The following PALLD variants were observed in gnomAD, a reference collection of about 807,000 sequenced individuals.
PALLD encodes the protein palladin.
In PALLD, 61 loss-of-function variants were observed where a neutral mutation model predicts 123.5. The ratio of observed to expected loss-of-function variants is 0.49; its 90% CI spans 0.40 to 0.61. PALLD has a LOEUF of 0.61. Ranked by LOEUF, PALLD falls within the 20% of genes least tolerant of loss-of-function variation. PALLD has a pLI of 0.00. For missense variants in PALLD, 1,273 were observed against 1,377.0 expected (o/e 0.92, Z 1.20); for synonymous variants, 465 against 496.4 (o/e 0.94, Z 0.84).
intron 2 of PALLD, among the ~76,000 whole-genome samples, chr4:168,640,359 A>G (rs1194818801): frequency 6.6e-6 from 1 of 152,062 alleles, no homozygotes; most frequent in Non-Finnish European, 1.5e-5. Context: ...AACCCCAGCT[A>G]CTGTCCCAAG....
At chr4:168,837,878 T>C (rs764141404) in intron 10 of PALLD, among the ~76,000 whole-genome samples, 1 of 152,006 alleles carries the variant, frequency 6.6e-6, no homozygotes, top group Non-Finnish European at 1.5e-5. Context: ...TATATGCCAG[T>C]GGAAAGAGAT....
intron 3 of PALLD, among the ~76,000 whole-genome samples, chr4:168,678,216 A>G (rs1257796312): frequency 6.6e-6 from 1 of 152,064 alleles, no homozygotes; most frequent in Non-Finnish European, 1.5e-5. Flanking sequence ...TGTGACCTTC[A>G]ATTACTTCAC....
chr4:168,697,139 G>A (rs1291288498), intron 8 of PALLD, among the ~76,000 whole-genome samples: 5 of 152,144 alleles, frequency 3.3e-5, no homozygotes, highest in Admixed American at 1.3e-4. Context: ...TAGACACAAC[G>A]AGACAATGAA....
At chr4:168,804,875 G>C (rs1739921331) in intron 10 of PALLD, among the ~76,000 whole-genome samples, 1 of 152,010 alleles carries the variant, frequency 6.6e-6, no homozygotes, top group Non-Finnish European at 1.5e-5. Context: ...AGTTCCCAAA[G>C]CGAGGCCGGG....
intron 10 of PALLD, among the ~76,000 whole-genome samples, chr4:168,755,215 A>G (rs1277740890): frequency 6.9e-6 from 1 of 144,938 alleles, no homozygotes; most frequent in East Asian, 2.1e-4. Flanking sequence ...CCTGGGCGAG[A>G]GAGCAAGACT....
intron 10 of PALLD, among the ~76,000 whole-genome samples, chr4:168,890,584 A>G (rs1474069582): frequency 6.6e-6 from 1 of 152,106 alleles, no homozygotes; most frequent in African/African-American, 2.4e-5. Context: ...ATAGAGTCAG[A>G]TTTTAAACCT....
At chr4:168,614,286 T>C (rs1774010373) in intron 2 of PALLD, among the ~76,000 whole-genome samples, 1 of 152,198 alleles carries the variant, frequency 6.6e-6, no homozygotes, top group African/African-American at 2.4e-5. Flanking sequence ...TTTAAAATAA[T>C]AATAGTAATA....
Position 168,690,661 on chromosome 4 carries a change from G to C in PALLD, c.1394G>C (p.Arg465Pro). 6.2e-7 allele frequency: 1 copy of C among 1,614,106 alleles called. No individual in the cohort carries two copies. The highest frequency in any genetic ancestry group is 8.5e-7 in the Non-Finnish European group (1 of 1,179,954). The change falls in exon 7 of 22, where the codon CGT becomes CCT. Residue 465 changes from arginine (R) to proline (P), a missense_variant. Coordinates refer to ENST00000505667, the MANE Select transcript of PALLD (RefSeq NM_001166108.2). The stretch of plus-strand genomic sequence containing the variant: ...GTGGTGGTTCTGGAGTGCCGGGTCC[G>C]TGGGGCACCCCCTCTGCAGGTCCAG... Reference protein sequence around the residue: ...GQVVVLECRVRGAPPLQVQWF... With the variant: ...GQVVVLECRVPGAPPLQVQWF...
intron 10 of PALLD, among the ~76,000 whole-genome samples, chr4:168,882,083 G>C (rs973587976): frequency 6.6e-6 from 1 of 152,252 alleles, no homozygotes; most frequent in South Asian, 2.1e-4. Context: ...TATAAGCAGG[G>C]CTTTGGTTTG....
intron 15 of PALLD, among the ~76,000 whole-genome samples, chr4:168,904,536 A>G (rs764522332): frequency 1.3e-5 from 2 of 152,152 alleles, no homozygotes; most frequent in Non-Finnish European, 2.9e-5. Context: ...CTTTTTTATT[A>G]TGTTATACAT....
chr4:168,626,115 A>C (rs1258409772), intron 2 of PALLD, among the ~76,000 whole-genome samples: 1 of 148,688 alleles, frequency 6.7e-6, no homozygotes, highest in Non-Finnish European at 1.5e-5. Context: ...TACAAAAAAA[A>C]ATTAGCCGGG....
At chr4:168,621,577 A>C (rs1774766895) in intron 2 of PALLD, among the ~76,000 whole-genome samples, 1 of 152,224 alleles carries the variant, frequency 6.6e-6, no homozygotes, top group Admixed American at 6.5e-5. Context: ...GTTTATGGAA[A>C]TATGCCTTTC....
intron 3 of PALLD, among the ~76,000 whole-genome samples, chr4:168,675,292 A>T (rs959933642): frequency 1.4e-4 from 21 of 152,298 alleles, no homozygotes; most frequent in African/African-American, 4.3e-4. Flanking sequence ...TAGGGAAGAG[A>T]ACCAGCGTGA....
intron 10 of PALLD, among the ~76,000 whole-genome samples, chr4:168,814,972 T>G: frequency 6.6e-6 from 1 of 152,160 alleles, no homozygotes; most frequent in East Asian, 1.9e-4. Context: ...GGTTTCACCA[T>G]GTTGGCCAGG....
chr4:168,674,921 T>C (rs1187472916), intron 3 of PALLD, among the ~76,000 whole-genome samples: 1 of 151,760 alleles, frequency 6.6e-6, no homozygotes, highest in Non-Finnish European at 1.5e-5. Flanking sequence ...GAGAGAAAAA[T>C]AGATCATGCA....
At position 168,685,528 on chromosome 4, in the gene PALLD, C is replaced by T; in HGVS notation, c.1304C>T (p.Thr435Ile). Reference protein sequence around the residue: ...TSYLCRPDGTTTAYFPPVFTK... With the variant: ...TSYLCRPDGTITAYFPPVFTK... ...TATCTCTGCCGACCTGATGGAACCA[C>T]TACTGCCTACTTTCCTCCTGTTTTT... The change falls in exon 6 of 22, where the codon ACT (threonine) becomes ATT (isoleucine). Residue 435 changes from threonine (T) to isoleucine (I), a missense_variant. Around this residue, in one of 2 missense-constraint regions of PALLD, gnomAD observed 944 missense variants for 954.5 expected, o/e 0.99. Transcript: ENST00000505667. The T allele has an allele frequency of 6.2e-7, 1 of 1,612,654 alleles. No individual in the cohort carries two copies. The highest frequency in any genetic ancestry group is 8.5e-7 in the Non-Finnish European group (1 of 1,178,630).
chr4:168,684,460 C>T (rs889146581), intron 5 of PALLD, among the ~76,000 whole-genome samples: 33 of 152,110 alleles, frequency 2.2e-4, no homozygotes, highest in East Asian at 1.9e-4. Flanking sequence ...CACTTCCTAA[C>T]GGAGGGACCT....
intron 4 of PALLD, 137 bp downstream of exon 4, chr4:168,681,535 A>G (rs1331609391): frequency 1.8e-6 from 1 of 544,782 alleles, no homozygotes; most frequent in Non-Finnish European, 3.2e-6. Context: ...TGAGGTTGGA[A>G]CACAATTTTT....
chr4:168,621,518 G>A (rs1248642703), intron 2 of PALLD, among the ~76,000 whole-genome samples: 1 of 152,122 alleles, frequency 6.6e-6, no homozygotes, highest in Non-Finnish European at 1.5e-5. Context: ...CCCCAGTCTT[G>A]ATAGTTAATC....
Sources: allele counts gnomAD v4.1 joint callset (sites outside exome capture counted in the v4.1 genomes callset), GRCh38; gene constraint gnomAD v4.1.1; regional missense constraint gnomAD v4.1.1; transcripts MANE v1.5; gene names NCBI Gene and HGNC (gene_info 2026-07-23, HGNC 2026-07-21).